Variants in RNF34 observed in about 807,000 individuals in gnomAD.
RNF34 encodes E3 ubiquitin-protein ligase RNF34.
In RNF34, 12 loss-of-function variants were observed where a neutral mutation model predicts 37.9. The ratio of observed to expected loss-of-function variants is 0.32; its 90% CI spans 0.20 to 0.51. The LOEUF (loss-of-function observed/expected upper bound fraction) is 0.51, where lower values mean the gene tolerates loss of function less well. RNF34 is among the 20% of genes least tolerant of loss of function. RNF34 has a pLI of 0.97. For missense variants in RNF34, 362 were observed against 472.7 expected, an observed-to-expected ratio of 0.77 and a Z score of 2.17; for synonymous variants, 155 against 177.2, an observed-to-expected ratio of 0.87 and a Z score of 1.00.
intron 1 of RNF34, among the ~76,000 whole-genome samples, chr12:121,407,820 C>T (rs937164762): frequency 6.6e-6 from 1 of 152,072 alleles, no homozygotes; most frequent in Non-Finnish European, 1.5e-5. Flanking sequence ...TATGACCCTA[C>T]CGGATATGGT....
chr12:121,416,168 A>G lies in RNF34; in HGVS notation c.16A>G (p.Thr6Ala). Residue 6 changes from threonine to alanine, a missense_variant, in exon 2 of 6, where the codon ACG becomes GCG. By Grantham distance (58) the Thr-to-Ala change is moderately conservative. Transcript: ENST00000361234. MKAGATSMWASCCGLL... is the reference protein window; with the variant it reads MKAGAASMWASCCGLL... ...TTGTGTTCCTTTTTAGGCGGGTGCC[A>G]CGTCTATGTGGGCTTCGTGCTGTGG... 1 of 1,613,956 alleles carries G rather than the reference A, an allele frequency of 6.2e-7. No homozygotes were observed. The highest frequency in any genetic ancestry group is 8.5e-7 in the Non-Finnish European group (1 of 1,179,886).
In RNF34 at chr12:121,423,299, A is replaced by C; in HGVS notation, c.929-87A>C. Reference sequence around the variant, plus strand: ...ATTGGGCCTGCAGGGGTCATTCAGCAGGTGGCTGCTCAGCTTCGGACTGGG... The same window carrying C: ...ATTGGGCCTGCAGGGGTCATTCAGCCGGTGGCTGCTCAGCTTCGGACTGGG... On this transcript the variant is annotated intron_variant, in intron 5 of 5. Coordinates refer to ENST00000361234, the MANE Select transcript of RNF34 (RefSeq NM_025126.4). The surrounding 1 kb of genome is among the most constrained non-coding windows in gnomAD (Gnocchi z 4.3). 9.9e-7 allele frequency: 1 copy of C among 1,013,260 alleles called. No homozygotes were observed. The highest frequency in any genetic ancestry group is 1.6e-5 in the South Asian group (1 of 62,806). 62.8% of individuals were successfully genotyped at this position (1,013,260 alleles called of 1,614,324 possible). A position where few individuals can be genotyped will look rare whatever the true frequency, so the allele number is the denominator to read the frequency against.
At chr12:121,421,157 A>G (rs1215141414) in intron 5 of RNF34, among the ~76,000 whole-genome samples, 1 of 152,040 alleles carries the variant, frequency 6.6e-6, no homozygotes, top group Non-Finnish European at 1.5e-5. Flanking sequence ...GTAGGGGGAA[A>G]ATTCCCTATA....
chr12:121,406,138 T>C (rs1316905567), intron 1 of RNF34, among the ~76,000 whole-genome samples: 1 of 152,128 alleles, frequency 6.6e-6, no homozygotes, highest in African/African-American at 2.4e-5. Flanking sequence ...AAAGGTACTG[T>C]TACTGGCTCC....
At chr12:121,406,864 A>G (rs1405090674) in intron 1 of RNF34, among the ~76,000 whole-genome samples, 1 of 152,150 alleles carries the variant, frequency 6.6e-6, no homozygotes, top group African/African-American at 2.4e-5. Context: ...AACTACATTC[A>G]TGGTCAAGAG....
At chr12:121,416,493 T>C (rs1338828545) in intron 2 of RNF34, 116 bp downstream of exon 2, 1 of 734,538 alleles carries the variant, frequency 1.4e-6, no homozygotes, top group Non-Finnish European at 2.3e-6. Context: ...AAAAGCTTAG[T>C]TCCATTAGCC....
At chr12:121,414,548 T>C (rs1263490414) in intron 1 of RNF34, among the ~76,000 whole-genome samples, 1 of 152,242 alleles carries the variant, frequency 6.6e-6, no homozygotes, top group Non-Finnish European at 1.5e-5. Flanking sequence ...ACATTAGTTC[T>C]GGGCCATTTA....
At chr12:121,415,463 ATAAAT>A (rs1409071421) in intron 1 of RNF34, among the ~76,000 whole-genome samples, 1 of 152,034 alleles carries the variant, frequency 6.6e-6, no homozygotes, top group Non-Finnish European at 1.5e-5. Context: ...TCTACTAAAA[ATAAAT>A]TAGCCAAGTG....
At chr12:121,421,488 G>A (rs148311487) in intron 5 of RNF34, among the ~76,000 whole-genome samples, 2,338 of 151,222 alleles carry the variant, frequency 0.015, 34 homozygotes, top group South Asian at 0.03. Context: ...GCAGGGAGCC[G>A]TGGTCATGCC....
At chr12:121,402,891 G>A in intron 1 of RNF34, 2 of 1,046,310 alleles carry the variant, frequency 1.9e-6, no homozygotes. Flanking sequence ...ACATTTTAGA[G>A]TTCATCATCT....
intron 1 of RNF34, among the ~76,000 whole-genome samples, chr12:121,408,490 C>T (rs1265792515): frequency 6.6e-6 from 1 of 151,916 alleles, no homozygotes; most frequent in East Asian, 1.9e-4. Context: ...AAAATGTGTA[C>T]AGATTTAAGA....
intron 1 of RNF34, among the ~76,000 whole-genome samples, chr12:121,405,780 G>A (rs1472142606): frequency 2.1e-4 from 31 of 146,628 alleles, no homozygotes; most frequent in Middle Eastern, 4.4e-3. Context: ...CACCGTGTCC[G>A]GCCTCTGTCT....
In RNF34 at chr12:121,416,397, A is replaced by T. The variant is rs890827560; in HGVS notation, c.225+20A>T. On this transcript the variant is annotated intron_variant, in intron 2 of 5. Transcript: ENST00000361234. ...AAGAAGGTGAGTTGGATGAAATGTT[A>T]CATAACAACACACATGGGTCAGCAT... 6.9e-7 allele frequency: 1 copy of T among 1,456,818 alleles called. No individual in the cohort carries two copies. The highest frequency in any genetic ancestry group is 9.6e-7 in the Non-Finnish European group (1 of 1,036,728). 90.2% of individuals were successfully genotyped at this position (1,456,818 alleles called of 1,614,324 possible). A position where few individuals can be genotyped will look rare whatever the true frequency, so the allele number is the denominator to read the frequency against.
chr12:121,402,081 CAT>C (rs1555280086), intron 1 of RNF34, among the ~76,000 whole-genome samples: 1 of 152,156 alleles, frequency 6.6e-6, no homozygotes. Flanking sequence ...GGAATGCTAA[CAT>C]GTGAATGTTC....
chr12:121,400,307 G>T, intron 1 of RNF34, 89 bp downstream of exon 1: 1 of 1,472,408 alleles, frequency 6.8e-7, no homozygotes, highest in Admixed American at 2.1e-5. Context: ...CCGCCTTAGC[G>T]GTTACCTAGT....
intron 3 of RNF34, among the ~76,000 whole-genome samples, chr12:121,419,375 C>T (rs533842380): frequency 2.0e-5 from 3 of 152,186 alleles, no homozygotes; most frequent in East Asian, 1.9e-4. Flanking sequence ...TTACTCAGAA[C>T]GTCTCCTAGT....
intron 3 of RNF34, among the ~76,000 whole-genome samples, chr12:121,419,673 C>T (rs1871932537): frequency 6.6e-6 from 1 of 152,124 alleles, no homozygotes; most frequent in Non-Finnish European, 1.5e-5. Context: ...GTACATAACC[C>T]AAACTGAAGA....
chr12:121,417,991 T>A lies in RNF34; in HGVS notation c.633+80T>A. The A allele has an allele frequency of 1.4e-6, 2 of 1,407,278 alleles. No individual in the cohort carries two copies. Among genetic ancestry groups the A allele is most frequent in the South Asian group, 1.3e-5 (1 of 74,146 alleles). 87.2% of individuals were successfully genotyped at this position (1,407,278 alleles called of 1,614,324 possible). A position where few individuals can be genotyped will look rare whatever the true frequency, so the allele number is the denominator to read the frequency against. On this transcript the variant is annotated intron_variant, in intron 3 of 5. Transcript: ENST00000361234. The surrounding 1 kb of genome is among the most constrained non-coding windows in gnomAD (Gnocchi z 5.0). Reference sequence around the variant, plus strand: ...ATATGGTGGGGCCTTTAGTGCTTGATGACTTCTGATAAACTTCAAGTCATG... The same window carrying A: ...ATATGGTGGGGCCTTTAGTGCTTGAAGACTTCTGATAAACTTCAAGTCATG...
rs181816892 is a variant in RNF34 at position 121,417,717 on chromosome 12, G to C, written c.439G>C (p.Val147Leu). ...TGAGAAAGAAGACTTGGTGGATCTA[G>C]TACTGTGCCATCATGGACTAGGCTC... ...CREKEDLVDL[V>L]LCHHGLGSED... is the part of the protein sequence containing the mutation. Residue 147 changes from valine to leucine, a missense_variant, in exon 3 of 6, where the codon GTA (valine) becomes CTA (leucine). Transcript: ENST00000361234. This position sits in a 1 kb window ranked among gnomAD's most constrained non-coding sequence, Gnocchi z 5.0. 1 of 1,614,202 alleles carries C rather than the reference G, an allele frequency of 6.2e-7. No homozygotes were observed. Among genetic ancestry groups the C allele is most frequent in the African/African-American group, 1.3e-5 (1 of 75,054 alleles).
Sources: allele counts gnomAD v4.1 joint callset (sites outside exome capture counted in the v4.1 genomes callset), GRCh38; gene constraint gnomAD v4.1.1; non-coding constraint Gnocchi (gnomAD v3.1); transcripts MANE v1.5; gene names NCBI Gene and HGNC (gene_info 2026-07-23, HGNC 2026-07-21).